HNRNPA1L2: variants seen among roughly 807,000 people sequenced by gnomAD.
HNRNPA1L2 encodes heterogeneous nuclear ribonucleoprotein A1-like 2.
HNRNPA1L2 carries 10 observed loss-of-function variants against 18.2 expected under a neutral mutation model. The observed-to-expected ratio is 0.55, with a 90% CI of 0.34 to 0.93. The LOEUF is 0.93. Ranked by LOEUF, HNRNPA1L2 falls within the 40% of genes least tolerant of loss-of-function variation. The pLI is 0.02. For missense variants in HNRNPA1L2, 308 were observed against 394.4 expected (o/e 0.78, Z 1.85); for synonymous variants, 124 against 138.6 (o/e 0.89, Z 0.74).
At chr13:52,634,230 A>G in the HNRNPA1L2 span, among the ~76,000 whole-genome samples, 1 of 152,214 alleles carries the variant, frequency 6.6e-6, no homozygotes, top group Non-Finnish European at 1.5e-5. Flanking sequence ...CTCAAATGGT[A>G]TCCGTTAAGT....
chr13:52,625,423 C>A, the HNRNPA1L2 span, among the ~76,000 whole-genome samples: 2 of 152,108 alleles, frequency 1.3e-5, no homozygotes, highest in African/African-American at 4.8e-5. Context: ...CTGAAAGATA[C>A]TTTAACAAGT....
At chr13:52,623,182 C>CAT in the HNRNPA1L2 span, among the ~76,000 whole-genome samples, 1 of 152,124 alleles carries the variant, frequency 6.6e-6, no homozygotes, top group Non-Finnish European at 1.5e-5. Flanking sequence ...ATAACACAAA[C>CAT]ATATAAATAC....
the HNRNPA1L2 span, among the ~76,000 whole-genome samples, chr13:52,625,223 T>C: frequency 6.6e-6 from 1 of 151,878 alleles, no homozygotes; most frequent in African/African-American, 2.4e-5. Context: ...GAAGCGATTC[T>C]CCTTCCTCAG....
At chr13:52,641,492 G>A (rs1326637406), upstream of HNRNPA1L2, 1 of 152,136 alleles carries the variant, frequency 6.6e-6, no homozygotes, top group Non-Finnish European at 1.5e-5. Flanking sequence ...TCCTGCTTCT[G>A]TAATATTTTC....
the HNRNPA1L2 span, among the ~76,000 whole-genome samples, chr13:52,634,499 A>G: frequency 6.6e-6 from 1 of 152,208 alleles, no homozygotes; most frequent in African/African-American, 2.4e-5. Flanking sequence ...TACTTGCATG[A>G]GTCTAAAGAA....
the HNRNPA1L2 span, among the ~76,000 whole-genome samples, chr13:52,626,109 T>G: frequency 1.3e-5 from 2 of 152,118 alleles, no homozygotes; most frequent in Non-Finnish European, 2.9e-5. Context: ...TTTTCTTCCA[T>G]TCCTATCAGA....
At chr13:52,631,277 C>T in the HNRNPA1L2 span, among the ~76,000 whole-genome samples, 1 of 152,192 alleles carries the variant, frequency 6.6e-6, no homozygotes, top group African/African-American at 2.4e-5. Flanking sequence ...CAGCCTGTTT[C>T]CCCAGCTGTA....
At chr13:52,624,908 G>A in the HNRNPA1L2 span, among the ~76,000 whole-genome samples, 9,316 of 152,058 alleles carry the variant, frequency 0.061, 333 homozygotes, top group African/African-American at 0.094. Flanking sequence ...GCATGGGACT[G>A]TAATCGCAGT....
At chr13:52,624,705 G>C in the HNRNPA1L2 span, among the ~76,000 whole-genome samples, 1 of 152,126 alleles carries the variant, frequency 6.6e-6, no homozygotes, top group African/African-American at 2.4e-5. Context: ...GTTATATTAG[G>C]TATTACAAGT....
At chr13:52,631,120 G>A in the HNRNPA1L2 span, among the ~76,000 whole-genome samples, 1 of 152,130 alleles carries the variant, frequency 6.6e-6, no homozygotes, top group Non-Finnish European at 1.5e-5. Flanking sequence ...GATATGACTT[G>A]GGCAGGGTCT....
At chr13:52,623,649 G>T in the HNRNPA1L2 span, among the ~76,000 whole-genome samples, 2 of 152,114 alleles carry the variant, frequency 1.3e-5, no homozygotes, top group Non-Finnish European at 2.9e-5. Flanking sequence ...CAGGATGCAT[G>T]GGATTAGATG....
At chr13:52,626,313 A>G in the HNRNPA1L2 span, among the ~76,000 whole-genome samples, 1 of 152,060 alleles carries the variant, frequency 6.6e-6, no homozygotes, top group East Asian at 1.9e-4. Context: ...GCAAATAGCC[A>G]GGTATGGTGA....
the HNRNPA1L2 span, among the ~76,000 whole-genome samples, chr13:52,628,124 G>T: frequency 6.6e-6 from 1 of 152,140 alleles, no homozygotes; most frequent in African/African-American, 2.4e-5. Flanking sequence ...CCCAATGAGC[G>T]TGTGTACCAG....
the HNRNPA1L2 span, chr13:52,632,409 T>C: frequency 2.0e-5 from 3 of 152,722 alleles, no homozygotes; most frequent in Non-Finnish European, 4.4e-5. Context: ...CATTAAAATG[T>C]TCTTTTTTTT....
chr13:52,636,131 G>A, the HNRNPA1L2 span, among the ~76,000 whole-genome samples: 6 of 152,130 alleles, frequency 3.9e-5, no homozygotes, highest in African/African-American at 1.2e-4. Flanking sequence ...TACCGTGCCC[G>A]GCTGATGTAT....
At chr13:52,632,616 C>T in the HNRNPA1L2 span, 3 of 152,696 alleles carry the variant, frequency 2.0e-5, no homozygotes, top group Admixed American at 6.5e-5. Flanking sequence ...GGCCTGGATT[C>T]GAATCATGAA....
chr13:52,620,554 C>A, the HNRNPA1L2 span, among the ~76,000 whole-genome samples: 2 of 152,190 alleles, frequency 1.3e-5, no homozygotes, highest in South Asian at 2.1e-4. Context: ...CTCCTGGAAA[C>A]AGCTACTGAA....
upstream of HNRNPA1L2, chr13:52,637,439 T>C (rs780894806): frequency 3.0e-4 from 78 of 259,894 alleles, no homozygotes; most frequent in Non-Finnish European, 1.4e-4. Flanking sequence ...CAATTAATAA[T>C]GAAGCAGGTA....
chr13:52,628,752 A>T, the HNRNPA1L2 span, among the ~76,000 whole-genome samples: 1 of 152,276 alleles, frequency 6.6e-6, no homozygotes, highest in African/African-American at 2.4e-5. Flanking sequence ...ATGACTTTTT[A>T]AAATTTAATT....
Sources: gnomAD v4.1 joint callset for allele counts (sites outside exome capture counted in the v4.1 genomes callset) on GRCh38, gnomAD v4.1.1 for gene constraint, MANE v1.5 for transcripts, NCBI Gene and HGNC (gene_info 2026-07-23, HGNC 2026-07-21) for gene names.